The following RLN2 variants were observed in gnomAD, a reference collection of about 807,000 sequenced individuals.
The protein encoded by RLN2 is relaxin 2, also known as prorelaxin H2.
A neutral mutation model predicts 7.3 loss-of-function variants in RLN2; 10 were observed. That is an observed-to-expected ratio of 1.36 (90% CI 0.84 to 2.31). The LOEUF (loss-of-function observed/expected upper bound fraction) is 2.31. RLN2 is among the 30% of genes most tolerant of loss of function. RLN2 has a pLI of 0.00. For missense variants in RLN2, 298 were observed against 217.6 expected, an observed-to-expected ratio of 1.37 and a Z score of -2.32; for synonymous variants, 103 against 82.3, an observed-to-expected ratio of 1.25 and a Z score of -1.36.
At chr9:5,324,189 T>C in the RLN2 span, among the ~76,000 whole-genome samples, 1 of 152,070 alleles carries the variant, frequency 6.6e-6, no homozygotes, top group Non-Finnish European at 1.5e-5. Flanking sequence ...GTGCAGGGTC[T>C]ACAGCTGAAG....
In RLN2 at chr9:5,304,652, C is replaced by T. The variant is rs1816208847; in HGVS notation, c.-72G>A. On this transcript the variant is annotated 5_prime_UTR_variant, in exon 1 of 2. The change creates a new upstream start codon in the 5' untranslated region. Coordinates refer to ENST00000381627, the MANE Select transcript of RLN2 (RefSeq NM_134441.3). ...GACTGCAGCTGCTGTGGCCTACACA[C>T]CTGGGCCTGTGTGCCTGTCCCGGGC... 2.7e-6 allele frequency: 4 copies of T among 1,488,498 alleles called. 1 individual carries two copies. Among genetic ancestry groups the T allele is most frequent in the East Asian group, 4.5e-5 (2 of 44,038 alleles). The allele number at this position is 1,488,498 out of a possible 1,614,324, so 92.2% of individuals were successfully genotyped here.
chr9:5,320,175 G>A, the RLN2 span, among the ~76,000 whole-genome samples: 1 of 151,468 alleles, frequency 6.6e-6, no homozygotes, highest in Non-Finnish European at 1.5e-5. Context: ...TAGTAGAGAT[G>A]GGGTTTCACC....
At chr9:5,324,300 A>G in the RLN2 span, among the ~76,000 whole-genome samples, 1 of 152,176 alleles carries the variant, frequency 6.6e-6, no homozygotes, top group African/African-American at 2.4e-5. Flanking sequence ...TCCCCACTCA[A>G]TATAACTTCT....
chr9:5,319,034 C>G, the RLN2 span, among the ~76,000 whole-genome samples: 3 of 151,924 alleles, frequency 2.0e-5, 1 homozygote, highest in Non-Finnish European at 2.9e-5. Context: ...ATACATTCTC[C>G]TTCAGTTGGT....
chr9:5,334,376 C>A, the RLN2 span, among the ~76,000 whole-genome samples: 1 of 151,952 alleles, frequency 6.6e-6, no homozygotes, highest in Non-Finnish European at 1.5e-5. Context: ...ACTTGTCATT[C>A]AACTGTATTT....
chr9:5,334,884 CA>C, the RLN2 span: 1 of 164,848 alleles, frequency 6.1e-6, no homozygotes, highest in Non-Finnish European at 1.3e-5. Flanking sequence ...TATGTATATC[CA>C]ATCTAAGAGT....
chr9:5,327,447 C>A, the RLN2 span, among the ~76,000 whole-genome samples: 1 of 152,046 alleles, frequency 6.6e-6, no homozygotes, highest in Non-Finnish European at 1.5e-5. Flanking sequence ...GGCCCACCAG[C>A]CTTTGTAGAC....
the RLN2 span, among the ~76,000 whole-genome samples, chr9:5,336,341 T>C: frequency 6.1e-4 from 93 of 152,038 alleles, 1 homozygote; most frequent in African/African-American, 2.2e-3. Flanking sequence ...CTGATGTTTG[T>C]TCCAAGGCTG....
upstream of RLN2, among the ~76,000 whole-genome samples, chr9:5,307,919 C>CTCTTT (rs1816283594): frequency 6.6e-6 from 1 of 152,020 alleles, no homozygotes; most frequent in Non-Finnish European, 1.5e-5. Context: ...TACCACTAAT[C>CTCTTT]TCTTTTCCTA....
the RLN2 span, chr9:5,311,566 T>TA: frequency 1.0e-4 from 79 of 784,590 alleles, no homozygotes; most frequent in African/African-American, 1.3e-3. Flanking sequence ...AGCTCAAGCC[T>TA]AAAAACGCCC....
chr9:5,332,276 T>C, the RLN2 span, among the ~76,000 whole-genome samples: 1 of 152,030 alleles, frequency 6.6e-6, no homozygotes, highest in Non-Finnish European at 1.5e-5. Context: ...TAGACTGGCT[T>C]TCATTTTTAT....
the RLN2 span, among the ~76,000 whole-genome samples, chr9:5,311,933 G>A: frequency 4.6e-5 from 7 of 151,298 alleles, no homozygotes; most frequent in South Asian, 2.1e-4. Context: ...CCACTAACTC[G>A]TTCAAACAAA....
At chr9:5,302,756 G>T (rs1816176710) in intron 1 of RLN2, among the ~76,000 whole-genome samples, 1 of 152,140 alleles carries the variant, frequency 6.6e-6, no homozygotes, top group South Asian at 2.1e-4. Context: ...GTATGTGGCA[G>T]ATTTATGACA....
At chr9:5,304,727 G>A (rs60463416), upstream of RLN2, 756 of 758,938 alleles carry the variant, frequency 1.0e-3, 9 homozygotes, top group African/African-American at 0.012. Context: ...TATCCCTTGG[G>A]CTATCACTCA....
At chr9:5,315,517 C>A in the RLN2 span, among the ~76,000 whole-genome samples, 1 of 151,802 alleles carries the variant, frequency 6.6e-6, no homozygotes, top group Non-Finnish European at 1.5e-5. Context: ...GACAAATGTG[C>A]AGAAAGCTTA....
chr9:5,305,930 C>G (rs915473190), upstream of RLN2, among the ~76,000 whole-genome samples: 1 of 151,818 alleles, frequency 6.6e-6, no homozygotes, highest in Non-Finnish European at 1.5e-5. Flanking sequence ...GCAATCAATG[C>G]TTTTAAATGA....
At chr9:5,337,921 C>T in the RLN2 span, among the ~76,000 whole-genome samples, 1 of 151,858 alleles carries the variant, frequency 6.6e-6, no homozygotes, top group African/African-American at 2.4e-5. Context: ...GTTTATGTGG[C>T]AGATTTATGA....
chr9:5,331,336 T>G, the RLN2 span, among the ~76,000 whole-genome samples: 8 of 151,858 alleles, frequency 5.3e-5, no homozygotes, highest in East Asian at 1.5e-3. Flanking sequence ...GATGAGAAAA[T>G]CCTCAATAAA....
upstream of RLN2, among the ~76,000 whole-genome samples, chr9:5,308,251 G>T (rs1816288587): frequency 6.6e-6 from 1 of 151,904 alleles, no homozygotes; most frequent in Non-Finnish European, 1.5e-5. Context: ...CTTCTTCTCA[G>T]CAAACTGCTG....
Sources: allele counts gnomAD v4.1 joint callset (sites outside exome capture counted in the v4.1 genomes callset), GRCh38; gene constraint gnomAD v4.1.1; transcripts MANE v1.5; gene names NCBI Gene and HGNC (gene_info 2026-07-23, HGNC 2026-07-21).